CD44: variants seen among roughly 807,000 people sequenced by gnomAD.
CD44 encodes CD44 molecule (IN blood group), also known as CD44 antigen.
CD44 carries 49 observed loss-of-function variants against 88.8 expected under a neutral mutation model. The observed-to-expected ratio is 0.55, with a 90% CI of 0.44 to 0.70. The LOEUF (loss-of-function observed/expected upper bound fraction) is 0.70. Ranked by LOEUF, CD44 falls within the 30% of genes least tolerant of loss-of-function variation. The pLI, the probability that CD44 is intolerant of heterozygous loss-of-function variation, is 0.00. For missense variants in CD44, 883 were observed against 913.8 expected, an observed-to-expected ratio of 0.97 and a Z score of 0.43; for synonymous variants, 325 against 312.3, an observed-to-expected ratio of 1.04 and a Z score of -0.43.
At chr11:35,190,315 T>C (rs1946143914) in intron 5 of CD44, 3 of 547,450 alleles carry the variant, frequency 5.5e-6, no homozygotes, top group Non-Finnish European at 9.8e-6. Context: ...TATTGGAAGT[T>C]TTATTTTGGG....
intron 17 of CD44, among the ~76,000 whole-genome samples, chr11:35,226,469 T>G (rs1591361776): frequency 6.6e-6 from 1 of 152,206 alleles, no homozygotes; most frequent in East Asian, 1.9e-4. Flanking sequence ...ATCCTCTTCA[T>G]AGTAAATAAT....
intron 1 of CD44, chr11:35,139,576 A>G (rs1857484429): frequency 1.3e-6 from 1 of 766,380 alleles, no homozygotes; most frequent in African/African-American, 1.7e-5. Context: ...GGTTGAAAGA[A>G]AAAGAGAAAG....
intron 7 of CD44, 61 bp from the exon 8 acceptor site, chr11:35,201,021 A>G (rs1947264839): frequency 1.8e-5 from 21 of 1,148,036 alleles, no homozygotes; most frequent in Non-Finnish European, 2.8e-5. Context: ...TATGTGCGGG[A>G]CAAGTGGCGA....
chr11:35,177,989 A>T (rs1159999493), intron 2 of CD44, among the ~76,000 whole-genome samples: 2 of 152,216 alleles, frequency 1.3e-5, no homozygotes, highest in Non-Finnish European at 2.9e-5. Flanking sequence ...AATAAAGAGC[A>T]GATGTACATA....
chr11:35,175,286 T>C (rs1944335730), intron 1 of CD44, among the ~76,000 whole-genome samples: 1 of 152,226 alleles, frequency 6.6e-6, no homozygotes, highest in Non-Finnish European at 1.5e-5. Context: ...TAAGAACATT[T>C]ATACTGGGTA....
intron 9 of CD44, among the ~76,000 whole-genome samples, 165 bp from the exon 10 acceptor site, chr11:35,204,347 G>C (rs1282851302): frequency 1.3e-5 from 2 of 152,192 alleles, no homozygotes; most frequent in African/African-American, 2.4e-5. Context: ...TGGATCATTT[G>C]ATTTCTCATA....
chr11:35,150,059 A>G (rs1452020231), intron 1 of CD44, among the ~76,000 whole-genome samples: 1 of 105,348 alleles, frequency 9.5e-6, no homozygotes, highest in African/African-American at 5.8e-5. Flanking sequence ...TGTACTCTTT[A>G]TATTGTACTT....
chr11:35,150,810 G>T (rs914505657), intron 1 of CD44, among the ~76,000 whole-genome samples: 1 of 152,174 alleles, frequency 6.6e-6, no homozygotes, highest in African/African-American at 2.4e-5. Context: ...GTCACAGGGT[G>T]ACTGTGGGCA....
At chr11:35,209,664 A>T (rs892632433) in intron 12 of CD44, among the ~76,000 whole-genome samples, 2 of 152,100 alleles carry the variant, frequency 1.3e-5, no homozygotes, top group African/African-American at 2.4e-5. Flanking sequence ...AGTGACTGGG[A>T]GCAATGCTGC....
Position 35,180,280 on chromosome 11 carries a change from G to A in CD44, c.240G>A (p.Gly80=). The A allele has an allele frequency of 6.2e-7, 1 of 1,614,054 alleles. No homozygotes were observed. The highest frequency in any genetic ancestry group is 8.5e-7 in the Non-Finnish European group (1 of 1,179,962). The part of the protein sequence containing the change: ...LSIGFETCRY[G]FIEGHVVIPR... ...TGTTGTTTTTCTCTTACAGGTATGGGTTCATAGAAGGGCACGTGGTGATTC... is the reference window on the plus strand; with the variant it reads ...TGTTGTTTTTCTCTTACAGGTATGGATTCATAGAAGGGCACGTGGTGATTC... Residue 80 remains glycine (G), a synonymous_variant, in exon 3 of 18, where the codon GGG becomes GGA. Transcript: ENST00000428726.
At chr11:35,223,292 A>G in intron 17 of CD44, 1 of 985,204 alleles carries the variant, frequency 1.0e-6, no homozygotes, top group Non-Finnish European at 1.2e-6. Context: ...CCCTTGGATT[A>G]CTTTTGCTCA....
At chr11:35,190,102 T>G in intron 5 of CD44, 37 bp downstream of exon 5, 2 of 1,535,358 alleles carry the variant, frequency 1.3e-6, no homozygotes, top group Non-Finnish European at 1.8e-6. Context: ...CCAATAGCAA[T>G]TCCCTGGCAA....
At chr11:35,179,726 G>A (rs1944808962) in intron 2 of CD44, among the ~76,000 whole-genome samples, 1 of 152,178 alleles carries the variant, frequency 6.6e-6, no homozygotes. Context: ...AAGGCTTCAT[G>A]TTTAGGGCAA....
chr11:35,183,348 A>AG (rs1026332672), intron 3 of CD44, among the ~76,000 whole-genome samples: 8 of 152,038 alleles, frequency 5.3e-5, no homozygotes, highest in Middle Eastern at 3.4e-3. Context: ...CAAAAAAAAA[A>AG]AAAGAAAGAA....
At chr11:35,197,861 A>G (rs963557223) in intron 6 of CD44, 4 of 384,794 alleles carry the variant, frequency 1.0e-5, no homozygotes, top group African/African-American at 6.1e-5. Context: ...AAAAACTTAT[A>G]TGGTGAGATT....
At chr11:35,139,474 A>C (rs1352266674) in intron 1 of CD44, 104 bp downstream of exon 1, 2 of 1,018,838 alleles carry the variant, frequency 2.0e-6, no homozygotes, top group Admixed American at 1.9e-5. Flanking sequence ...ACTGGAGTCA[A>C]GTGAGCTGTC....
At chr11:35,175,465 T>C (rs1470462759) in intron 1 of CD44, among the ~76,000 whole-genome samples, 1 of 152,216 alleles carries the variant, frequency 6.6e-6, no homozygotes, top group Non-Finnish European at 1.5e-5. Context: ...TGTGTGTATG[T>C]GTGTATGTGT....
chr11:35,218,054 C>T (rs1948982009), intron 15 of CD44, among the ~76,000 whole-genome samples: 1 of 152,132 alleles, frequency 6.6e-6, no homozygotes, highest in African/African-American at 2.4e-5. Context: ...TCCCAAAGTG[C>T]TGGGATTACA....
At chr11:35,148,479 A>T (rs1254938550) in intron 1 of CD44, among the ~76,000 whole-genome samples, 2 of 152,246 alleles carry the variant, frequency 1.3e-5, no homozygotes, top group East Asian at 3.8e-4. Flanking sequence ...CAGTGAGACT[A>T]GTTGTCTTTA....
Sources: gnomAD v4.1 joint callset for allele counts (sites outside exome capture counted in the v4.1 genomes callset) on GRCh38, gnomAD v4.1.1 for gene constraint, MANE v1.5 for transcripts, NCBI Gene and HGNC (gene_info 2026-07-23, HGNC 2026-07-21) for gene names.